The following KCNIP4 variants were observed in gnomAD, a reference collection of about 807,000 sequenced individuals.
The protein encoded by KCNIP4 is Kv channel-interacting protein 4.
Under a neutral mutation model 34.0 loss-of-function variants are expected in KCNIP4, and 12 were observed. That is an observed-to-expected ratio of 0.35 (90% CI 0.23 to 0.57). The LOEUF (loss-of-function observed/expected upper bound fraction) is 0.57, where lower values mean the gene tolerates loss of function less well. Ranked by LOEUF, KCNIP4 falls within the 20% of genes least tolerant of loss-of-function variation. KCNIP4 has a pLI of 0.83. For synonymous variants in KCNIP4, 124 were observed against 102.2 expected, an observed-to-expected ratio of 1.21 and a Z score of -1.29; for missense variants, 238 against 311.7, an observed-to-expected ratio of 0.76 and a Z score of 1.78.
At chr4:21,019,456 C>A (rs1356280091) in intron 1 of KCNIP4, among the ~76,000 whole-genome samples, 1 of 152,140 alleles carries the variant, frequency 6.6e-6, no homozygotes, top group East Asian at 1.9e-4. Flanking sequence ...CCGCGCCCAG[C>A]CAATAACCTC....
intron 1 of KCNIP4, among the ~76,000 whole-genome samples, chr4:20,986,257 T>C (rs1736568091): frequency 1.3e-5 from 2 of 152,294 alleles, no homozygotes; most frequent in African/African-American, 4.8e-5. Context: ...CCTTGAGTCC[T>C]AGAAATAAGT....
intron 1 of KCNIP4, among the ~76,000 whole-genome samples, chr4:21,776,913 C>G (rs906750804): frequency 1.9e-4 from 29 of 152,162 alleles, no homozygotes; most frequent in Admixed American, 1.3e-4. Context: ...CAGGCATCCA[C>G]CACTACACCT....
At chr4:20,903,345 C>G (rs976456609) in intron 1 of KCNIP4, among the ~76,000 whole-genome samples, 4 of 152,054 alleles carry the variant, frequency 2.6e-5, no homozygotes, top group African/African-American at 9.7e-5. Flanking sequence ...ACACTTTGGT[C>G]ATATATTACT....
At chr4:21,706,877 C>G (rs543132805) in intron 1 of KCNIP4, among the ~76,000 whole-genome samples, 1 of 152,156 alleles carries the variant, frequency 6.6e-6, no homozygotes, top group African/African-American at 2.4e-5. Context: ...CAGAGCCTTG[C>G]GGCAAAGTCA....
In KCNIP4 at chr4:21,524,391, CA is replaced by C. The variant is rs1343469915; in HGVS notation, c.61+424179del. ...TTATTGTGTGTCCCCTAGACATTCC[CA>C]AAAATGTTTATGTGACTGTAAGCTC... On this transcript the variant is annotated intron_variant, in intron 1 of 8. Transcript: ENST00000382152. Among the ~76,000 whole-genome samples, 4 of 152,242 alleles carry C rather than the reference CA, an allele frequency of 2.6e-5. No homozygotes were observed. In the East Asian group the frequency reaches 5.8e-4, roughly 22 times the overall value.
intron 1 of KCNIP4, among the ~76,000 whole-genome samples, chr4:20,944,228 G>A (rs749045198): frequency 3.3e-5 from 5 of 152,210 alleles, no homozygotes; most frequent in Non-Finnish European, 5.9e-5. Context: ...GCCCCTGAAA[G>A]GGAATCTCTG....
intron 1 of KCNIP4, among the ~76,000 whole-genome samples, chr4:21,876,902 C>A (rs920506024): frequency 6.6e-6 from 1 of 151,562 alleles, no homozygotes; most frequent in Non-Finnish European, 1.5e-5. Flanking sequence ...GTAGTGATAA[C>A]AGGCCATGTG....
intron 1 of KCNIP4, among the ~76,000 whole-genome samples, chr4:21,109,063 TGAG>T (rs1381399556): frequency 1.3e-5 from 2 of 152,132 alleles, no homozygotes; most frequent in African/African-American, 4.8e-5. Context: ...GGGACCCACT[TGAG>T]GAGGCAGTCT....
intron 1 of KCNIP4, among the ~76,000 whole-genome samples, chr4:21,076,793 G>C (rs1486781265): frequency 6.6e-6 from 1 of 152,154 alleles, no homozygotes; most frequent in Non-Finnish European, 1.5e-5. Flanking sequence ...GTTTTGGACT[G>C]ATTCATCAGT....
At chr4:21,728,039 C>A (rs1191200203) in intron 1 of KCNIP4, among the ~76,000 whole-genome samples, 22 of 152,098 alleles carry the variant, frequency 1.4e-4, no homozygotes, top group Admixed American at 1.4e-3. Context: ...TTTCTGTCTT[C>A]TGGACTCCTG....
At chr4:20,915,203 T>C (rs1036452774) in intron 1 of KCNIP4, among the ~76,000 whole-genome samples, 2 of 152,218 alleles carry the variant, frequency 1.3e-5, no homozygotes, top group Non-Finnish European at 2.9e-5. Context: ...GGAAATAAAA[T>C]ATTATACTCA....
chr4:21,866,393 C>T (rs1725415525), intron 1 of KCNIP4, among the ~76,000 whole-genome samples: 1 of 152,172 alleles, frequency 6.6e-6, no homozygotes, highest in South Asian at 2.1e-4. Context: ...CATAAATAAA[C>T]CTGTTGTCTT....
intron 3 of KCNIP4, among the ~76,000 whole-genome samples, chr4:20,803,060 G>C (rs1349734313): frequency 4.0e-5 from 5 of 124,582 alleles, no homozygotes; most frequent in African/African-American, 1.5e-4. Flanking sequence ...GGGCTACAGA[G>C]TGAGACTCTG....
chr4:21,390,869 AT>A (rs1296072131), intron 1 of KCNIP4, among the ~76,000 whole-genome samples: 1 of 152,072 alleles, frequency 6.6e-6, no homozygotes, highest in East Asian at 1.9e-4. Flanking sequence ...GCTATGTTTA[AT>A]TTTTTGAGGA....
intron 1 of KCNIP4, among the ~76,000 whole-genome samples, chr4:21,020,802 T>C (rs1467048981): frequency 6.6e-6 from 1 of 152,032 alleles, no homozygotes; most frequent in Non-Finnish European, 1.5e-5. Context: ...TTTAAAGAAA[T>C]GAATAAAATA....
rs113088897 is a variant in KCNIP4, at chr4:21,135,699, T to A, written c.62-252990A>T. ...TAGTAGTTTTTGATTATTCAGAATA[T>A]TTGCATACAAAGTGTCCTTCATGAG... On this transcript the variant is annotated intron_variant, in intron 1 of 8. Coordinates refer to ENST00000382152, the MANE Select transcript of KCNIP4 (RefSeq NM_025221.6). 3.3e-3 allele frequency among the ~76,000 whole-genome samples: 499 copies of A among 152,326 alleles called. 5 individuals carry two copies. Among genetic ancestry groups the A allele is most frequent in the African/African-American group, 0.011 (465 of 41,568 alleles).
In KCNIP4 at chr4:21,797,993, C is replaced by T. The variant is rs759996556; in HGVS notation, c.61+150578G>A. On this transcript the variant is annotated intron_variant, in intron 1 of 8. Transcript: ENST00000382152. Reference sequence around the variant, plus strand: ...AATAGTATGATGTAAGGATATACAGCTTATTATACGAGGAGTATTTTCAGA... The same window carrying T: ...AATAGTATGATGTAAGGATATACAGTTTATTATACGAGGAGTATTTTCAGA... Among the ~76,000 whole-genome samples the T allele has an allele frequency of 4.3e-4, 66 of 152,122 alleles. 1 individual carries two copies. The highest frequency in any genetic ancestry group is 3.4e-3 in the Middle Eastern group (1 of 294).
intron 1 of KCNIP4, among the ~76,000 whole-genome samples, chr4:21,492,543 T>A (rs1362550782): frequency 1.3e-5 from 2 of 152,204 alleles, no homozygotes; most frequent in Non-Finnish European, 2.9e-5. Flanking sequence ...TTATTGGTTA[T>A]GCATTATTGG....
rs111542443 is a variant in KCNIP4, at chr4:21,304,026, C to T, written c.62-421317G>A. On this transcript the variant is annotated intron_variant, in intron 1 of 8. Transcript: ENST00000382152. ...TGCTGGAGAAAGGGGAGGAGGAGAG[C>T]GTATGAGAGAGAGAGAGAGAGAGAG... The T allele has an allele frequency of 2.6e-4, 66 of 257,436 alleles. No homozygotes were observed. In the East Asian group the frequency reaches 9.6e-3, roughly 38 times the overall value. The allele number at this position is 257,436 out of a possible 1,614,324, so 15.9% of individuals were successfully genotyped here.
Sources: gnomAD v4.1 joint callset for allele counts (sites outside exome capture counted in the v4.1 genomes callset) on GRCh38, gnomAD v4.1.1 for gene constraint, MANE v1.5 for transcripts, NCBI Gene and HGNC (gene_info 2026-07-23, HGNC 2026-07-21) for gene names.